CTTNBP2: variants seen among roughly 807,000 people sequenced by gnomAD.
CTTNBP2 encodes the protein cortactin-binding protein 2.
A neutral mutation model predicts 156.9 loss-of-function variants in CTTNBP2; 108 were observed. The ratio of observed to expected loss-of-function variants is 0.69; its 90% CI spans 0.59 to 0.81. The LOEUF (loss-of-function observed/expected upper bound fraction) is 0.81, where lower values mean the gene tolerates loss of function less well. Among genes scored for constraint, CTTNBP2 ranks in the 30% least tolerant of loss-of-function variants. The pLI is 0.00. For synonymous variants in CTTNBP2, 767 were observed against 751.8 expected (o/e 1.02, Z -0.33); for missense variants, 1,924 against 2,035.4 (o/e 0.95, Z 1.05).
At chr7:117,841,986 G>GA (rs1046456285) in intron 2 of CTTNBP2, among the ~76,000 whole-genome samples, 4 of 152,140 alleles carry the variant, frequency 2.6e-5, no homozygotes, top group African/African-American at 7.2e-5. Flanking sequence ...TGGCTTGGGG[G>GA]AGAGCATGAG....
intron 12 of CTTNBP2, among the ~76,000 whole-genome samples, chr7:117,747,981 C>T (rs1348593878): frequency 2.0e-5 from 3 of 152,020 alleles, no homozygotes; most frequent in Non-Finnish European, 2.9e-5. Flanking sequence ...GGTAGCCTCC[C>T]GTAATATTCT....
At chr7:117,712,809 G>A (rs1794130671) in intron 22 of CTTNBP2, among the ~76,000 whole-genome samples, 1 of 152,124 alleles carries the variant, frequency 6.6e-6, no homozygotes, top group Admixed American at 6.6e-5. Context: ...TCTGGGGTGT[G>A]GCATGGACAT....
At chr7:117,846,144 C>A (rs369408109) in intron 2 of CTTNBP2, among the ~76,000 whole-genome samples, 44 of 152,238 alleles carry the variant, frequency 2.9e-4, no homozygotes, top group African/African-American at 9.9e-4. Context: ...AGCCACCGCG[C>A]CCGGTCCTGT....
intron 2 of CTTNBP2, among the ~76,000 whole-genome samples, chr7:117,859,403 A>G (rs529622281): frequency 6.6e-6 from 1 of 152,360 alleles, no homozygotes; most frequent in East Asian, 1.9e-4. Context: ...GGTGATACAT[A>G]AAAACACAGA....
intron 6 of CTTNBP2, among the ~76,000 whole-genome samples, chr7:117,781,715 C>A (rs909614203): frequency 6.6e-5 from 10 of 152,132 alleles, no homozygotes; most frequent in Admixed American, 5.2e-4. Context: ...TCCAGCCTGG[C>A]GACAGAGCAA....
Position 117,792,808 on chromosome 7 carries a change from G to A in CTTNBP2, c.415-27C>T, listed in dbSNP as rs1799107979. 5 of 1,447,754 alleles carry A rather than the reference G, an allele frequency of 3.5e-6. No individual in the cohort carries two copies. Among genetic ancestry groups the A allele is most frequent in the African/African-American group, 1.4e-5 (1 of 70,178 alleles). 89.7% of individuals were successfully genotyped at this position (1,447,754 alleles called of 1,614,324 possible). ...TGAAAGAAATTCACAGGAAAACCCT[G>A]ATTAATATACAGAATTTTCTTTTCA... On this transcript the variant is annotated intron_variant, in intron 3 of 22. Coordinates refer to ENST00000160373, the MANE Select transcript of CTTNBP2 (RefSeq NM_033427.3). The surrounding 1 kb of genome is among the most constrained non-coding windows in gnomAD (Gnocchi z 4.2).
intron 3 of CTTNBP2, among the ~76,000 whole-genome samples, chr7:117,796,440 A>T (rs1799320554): frequency 6.6e-6 from 1 of 152,202 alleles, no homozygotes; most frequent in African/African-American, 2.4e-5. Flanking sequence ...TAATTTTTAT[A>T]TTAAAAAATC....
At chr7:117,724,356 A>G (rs1265702414) in intron 19 of CTTNBP2, among the ~76,000 whole-genome samples, 191 bp downstream of exon 19, 1 of 152,234 alleles carries the variant, frequency 6.6e-6, no homozygotes, top group Non-Finnish European at 1.5e-5. Flanking sequence ...GGTATTTTTC[A>G]GGTAGAGATC....
At chr7:117,778,533 A>G (rs370652290) in intron 7 of CTTNBP2, among the ~76,000 whole-genome samples, 144 of 152,350 alleles carry the variant, frequency 9.5e-4, no homozygotes, top group African/African-American at 3.3e-3. Context: ...CAGCATCAGT[A>G]TCACCTGGGA....
chr7:117,766,944 G>A, intron 9 of CTTNBP2, 115 bp downstream of exon 9: 1 of 685,776 alleles, frequency 1.5e-6, no homozygotes, highest in Non-Finnish European at 2.7e-6. Context: ...GCCATAGCTA[G>A]GGCTCCAAAA....
chr7:117,781,149 A>G (rs1798415926), intron 6 of CTTNBP2, among the ~76,000 whole-genome samples: 1 of 152,266 alleles, frequency 6.6e-6, no homozygotes, highest in Admixed American at 6.5e-5. Flanking sequence ...TTGATGAGGA[A>G]AAGATAGCTA....
chr7:117,735,299 T>G lies in CTTNBP2; in HGVS notation c.3658A>C (p.Ser1220Arg). The G allele has an allele frequency of 6.2e-7, 1 of 1,614,096 alleles. No individual in the cohort carries two copies. The highest frequency in any genetic ancestry group is 8.5e-7 in the Non-Finnish European group (1 of 1,180,008). Residue 1220 changes from serine (S) to arginine (R), a missense_variant, in exon 15 of 23, where the codon AGC becomes CGC. Physicochemically the swap from Ser to Arg is moderately radical, Grantham distance 110. Transcript: ENST00000160373. ...RDFLAPLENR[S>R]TESPCTFQKG... ...TGGAAAGTGCAGGGGCTTTCAGTGC[T>G]GCGATTTTCAAGAGGTGCCAAAAAG...
Position 117,792,779 on chromosome 7 carries a change from C to T in CTTNBP2, c.417G>A (p.Leu139=), listed in dbSNP as rs1001931197. Residue 139 remains leucine, a splice_region_variant and synonymous_variant, in exon 4 of 23, where the codon CTG becomes CTA. Coordinates refer to ENST00000160373, the MANE Select transcript of CTTNBP2 (RefSeq NM_033427.3). This position sits in a 1 kb window ranked among gnomAD's most constrained non-coding sequence, Gnocchi z 4.2. The part of the protein sequence containing the change: ...LAAAESRQKK[L]EMEKLQLQAL... ...CTTGTAGCTGAAGCTTCTCCATTTC[C>T]AGCTGAAAGAAATTCACAGGAAAAC... The T allele has an allele frequency of 6.5e-7, 1 of 1,532,658 alleles. No individual in the cohort carries two copies. The highest frequency in any genetic ancestry group is 1.4e-5 in the African/African-American group (1 of 71,758). 94.9% of individuals were successfully genotyped at this position (1,532,658 alleles called of 1,614,324 possible).
At chr7:117,834,748 G>C (rs1352489641) in intron 2 of CTTNBP2, among the ~76,000 whole-genome samples, 1 of 152,166 alleles carries the variant, frequency 6.6e-6, no homozygotes, top group Non-Finnish European at 1.5e-5. Context: ...TACATTAAGA[G>C]AAATCTTATT....
intron 2 of CTTNBP2, among the ~76,000 whole-genome samples, chr7:117,822,561 C>T (rs949874321): frequency 3.9e-5 from 6 of 152,124 alleles, no homozygotes; most frequent in Admixed American, 6.5e-5. Flanking sequence ...AATGTTTTGA[C>T]GTGTATATTT....
intron 2 of CTTNBP2, among the ~76,000 whole-genome samples, chr7:117,857,798 T>C (rs147221426): frequency 2.2e-4 from 33 of 152,286 alleles, no homozygotes; most frequent in African/African-American, 7.7e-4. Flanking sequence ...TCTCATAATG[T>C]AAAACAAAAT....
At chr7:117,711,864 T>C in intron 22 of CTTNBP2, 82 bp from the exon 23 acceptor site, 1 of 1,358,816 alleles carries the variant, frequency 7.4e-7, no homozygotes, top group Non-Finnish European at 1.0e-6. Context: ...TTTGAGCAAA[T>C]GTACAGGAGT....
At chr7:117,788,538 C>A (rs1015300034) in intron 4 of CTTNBP2, among the ~76,000 whole-genome samples, 1 of 152,200 alleles carries the variant, frequency 6.6e-6, no homozygotes, top group African/African-American at 2.4e-5. Flanking sequence ...TGGAGAGGCA[C>A]AAGCTCAACC....
At chr7:117,863,678 G>T (rs1456783854) in intron 1 of CTTNBP2, among the ~76,000 whole-genome samples, 1 of 152,146 alleles carries the variant, frequency 6.6e-6, no homozygotes, top group Non-Finnish European at 1.5e-5. Flanking sequence ...AATTCCTAAC[G>T]TCTACCCTGC....
Sources: allele counts gnomAD v4.1 joint callset (sites outside exome capture counted in the v4.1 genomes callset), GRCh38; gene constraint gnomAD v4.1.1; non-coding constraint Gnocchi (gnomAD v3.1); transcripts MANE v1.5; gene names NCBI Gene and HGNC (gene_info 2026-07-23, HGNC 2026-07-21).